NXPH1: variants seen among roughly 807,000 people sequenced by gnomAD.
NXPH1 encodes the protein neurexophilin 1, also known as neurexophilin-1.
In NXPH1, 5 loss-of-function variants were observed where a neutral mutation model predicts 23.7. The observed-to-expected ratio is 0.21, with a 90% CI of 0.11 to 0.44. The LOEUF (loss-of-function observed/expected upper bound fraction) is 0.44, where lower values mean the gene tolerates loss of function less well. Among genes scored for constraint, NXPH1 ranks in the 20% least tolerant of loss-of-function variants. The pLI, the probability that NXPH1 is intolerant of heterozygous loss-of-function variation, is 0.99. For synonymous variants in NXPH1, 144 were observed against 122.2 expected, an observed-to-expected ratio of 1.18 and a Z score of -1.18; for missense variants, 324 against 321.6, an observed-to-expected ratio of 1.01 and a Z score of -0.06.
intron 2 of NXPH1, among the ~76,000 whole-genome samples, chr7:8,571,714 G>T (rs372220531): frequency 2.0e-5 from 3 of 151,970 alleles, no homozygotes; most frequent in African/African-American, 7.2e-5. Flanking sequence ...AAAGATCTCT[G>T]GTTCCTCTGT....
chr7:8,439,969 T>C (rs1816267771), intron 2 of NXPH1, among the ~76,000 whole-genome samples: 1 of 152,140 alleles, frequency 6.6e-6, no homozygotes, highest in Non-Finnish European at 1.5e-5. Context: ...ATAAACAAAA[T>C]AAAATAAATT....
chr7:8,479,073 C>T (rs1389509129), intron 2 of NXPH1, among the ~76,000 whole-genome samples: 3 of 152,026 alleles, frequency 2.0e-5, no homozygotes, highest in Non-Finnish European at 2.9e-5. Context: ...TGTTTGTTAA[C>T]TGGTTAACAT....
chr7:8,622,751 A>G (rs1819902753), intron 2 of NXPH1, among the ~76,000 whole-genome samples: 1 of 152,216 alleles, frequency 6.6e-6, no homozygotes, highest in African/African-American at 2.4e-5. Flanking sequence ...TGCAAACGCT[A>G]CACTAATGGA....
intron 2 of NXPH1, among the ~76,000 whole-genome samples, chr7:8,468,323 T>C (rs1375482523): frequency 6.6e-6 from 1 of 152,080 alleles, no homozygotes; most frequent in Non-Finnish European, 1.5e-5. Flanking sequence ...GTTTAGACAG[T>C]TGAAGGGGAT....
At chr7:8,539,757 T>C (rs1818083786) in intron 2 of NXPH1, among the ~76,000 whole-genome samples, 1 of 151,800 alleles carries the variant, frequency 6.6e-6, no homozygotes, top group Non-Finnish European at 1.5e-5. Context: ...AAGGTTATAA[T>C]TTTTAAAATA....
intron 2 of NXPH1, among the ~76,000 whole-genome samples, chr7:8,654,858 C>T (rs943912411): frequency 6.6e-6 from 1 of 152,018 alleles, no homozygotes; most frequent in Non-Finnish European, 1.5e-5. Context: ...GGGGCAGTGT[C>T]GTTTGGATGA....
intron 2 of NXPH1, among the ~76,000 whole-genome samples, chr7:8,497,725 G>T (rs1817361844): frequency 6.6e-6 from 1 of 151,990 alleles, no homozygotes; most frequent in Non-Finnish European, 1.5e-5. Flanking sequence ...TTTTTTTCTT[G>T]TAAATTTGTT....
chr7:8,607,558 C>G (rs956766377), intron 2 of NXPH1, among the ~76,000 whole-genome samples: 1 of 152,164 alleles, frequency 6.6e-6, no homozygotes, highest in Non-Finnish European at 1.5e-5. Flanking sequence ...AAGAAGAGAA[C>G]TCAGGTTAAC....
intron 2 of NXPH1, among the ~76,000 whole-genome samples, chr7:8,456,939 ACT>A (rs1421196940): frequency 1.3e-5 from 2 of 152,062 alleles, no homozygotes; most frequent in East Asian, 3.9e-4. Context: ...AAGGTCTCTA[ACT>A]CTCTATCCTT....
chr7:8,710,104 T>G lies in NXPH1; in HGVS notation c.55-40904T>G, dbSNP rs562297230. On this transcript the variant is annotated intron_variant, in intron 2 of 2. Transcript: ENST00000405863. ...AATTAGGCAGTATCTGTATTGATAC[T>G]GTTTTAAAGCCTTGTTCTTAAGCAT... is the stretch of plus-strand genomic sequence containing the variant. Among the ~76,000 whole-genome samples, 14 of 152,356 alleles carry G rather than the reference T, an allele frequency of 9.2e-5. No individual in the cohort carries two copies. The South Asian group carries it at 2.9e-3, about 32-fold the overall frequency.
Position 8,602,205 on chromosome 7 carries a change from T to C in NXPH1, c.55-148803T>C, listed in dbSNP as rs565405423. 2.0e-5 allele frequency among the ~76,000 whole-genome samples: 3 copies of C among 152,318 alleles called. No individual in the cohort carries two copies. In the South Asian group the frequency reaches 6.2e-4, roughly 32 times the overall value. On this transcript the variant is annotated intron_variant, in intron 2 of 2. Transcript: ENST00000405863. The stretch of plus-strand genomic sequence containing the variant: ...GTTAATATTTTGGTGTTATATGCTT[T>C]TTTAGTTATTTCTCTTTATATTTAA...
At chr7:8,451,728 A>T (rs1036573331) in intron 2 of NXPH1, among the ~76,000 whole-genome samples, 7 of 152,202 alleles carry the variant, frequency 4.6e-5, no homozygotes, top group African/African-American at 1.7e-4. Context: ...CTCCTCTTAT[A>T]TTCAGAAGTA....
At chr7:8,659,903 C>T (rs943996908) in intron 2 of NXPH1, among the ~76,000 whole-genome samples, 10 of 152,214 alleles carry the variant, frequency 6.6e-5, no homozygotes, top group South Asian at 2.1e-4. Context: ...TCATCCAGTG[C>T]TAGGGATGTG....
intron 2 of NXPH1, among the ~76,000 whole-genome samples, chr7:8,607,229 C>G (rs1433850935): frequency 6.6e-6 from 1 of 152,036 alleles, no homozygotes; most frequent in Non-Finnish European, 1.5e-5. Flanking sequence ...TAATACAGTA[C>G]TTATATATAT....
intron 2 of NXPH1, among the ~76,000 whole-genome samples, chr7:8,645,876 T>C (rs1453151512): frequency 6.6e-6 from 1 of 152,108 alleles, no homozygotes; most frequent in Non-Finnish European, 1.5e-5. Flanking sequence ...CATATATTTA[T>C]AGGTCCAATT....
At chr7:8,483,618 A>G (rs1817110385) in intron 2 of NXPH1, among the ~76,000 whole-genome samples, 1 of 152,146 alleles carries the variant, frequency 6.6e-6, no homozygotes, top group Non-Finnish European at 1.5e-5. Context: ...TCAAAACCAC[A>G]TTTCTAGTGA....
intron 2 of NXPH1, among the ~76,000 whole-genome samples, chr7:8,545,455 C>G (rs1300805727): frequency 6.6e-6 from 1 of 151,490 alleles, no homozygotes; most frequent in African/African-American, 2.4e-5. Context: ...TAAACCTAAT[C>G]AGGAAATACT....
intron 2 of NXPH1, among the ~76,000 whole-genome samples, chr7:8,642,274 G>T (rs1018501869): frequency 6.6e-6 from 1 of 152,264 alleles, no homozygotes; most frequent in South Asian, 2.1e-4. Flanking sequence ...TTTTTCTCTA[G>T]TGATTTTAAA....
intron 2 of NXPH1, among the ~76,000 whole-genome samples, chr7:8,719,123 C>A (rs1779924398): frequency 6.6e-6 from 1 of 152,170 alleles, no homozygotes; most frequent in African/African-American, 2.4e-5. Context: ...TTTTGGTCCC[C>A]TTTATAGTCT....
Sources: gnomAD v4.1 joint callset for allele counts (sites outside exome capture counted in the v4.1 genomes callset) on GRCh38, gnomAD v4.1.1 for gene constraint, MANE v1.5 for transcripts, NCBI Gene and HGNC (gene_info 2026-07-23, HGNC 2026-07-21) for gene names.